OR4F15: variants seen among roughly 807,000 people sequenced by gnomAD.
OR4F15 encodes olfactory receptor 4F15.
A neutral mutation model predicts 11.9 loss-of-function variants in OR4F15; 7 were observed. That is an observed-to-expected ratio of 0.59 (90% CI 0.33 to 1.10). The LOEUF (loss-of-function observed/expected upper bound fraction) is 1.10. Ranked by LOEUF, OR4F15 falls within the 50% of genes least tolerant of loss-of-function variation. OR4F15 has a pLI of 0.03. For synonymous variants in OR4F15, 151 were observed against 134.6 expected (o/e 1.12, Z -0.84); for missense variants, 445 against 377.5 (o/e 1.18, Z -1.48).
At chr15:101,815,803 A>G (rs1271476304) in intron 1 of OR4F15, among the ~76,000 whole-genome samples, 1 of 152,194 alleles carries the variant, frequency 6.6e-6, no homozygotes, top group African/African-American at 2.4e-5. Flanking sequence ...GGAGATAATT[A>G]TATACCTAGA....
rs1903064511 is a variant in OR4F15 at position 101,819,417 on chromosome 15, A to AT, written c.*298dup. 1.1e-5 allele frequency: 3 copies of AT among 281,032 alleles called. No homozygotes were observed. The highest frequency in any genetic ancestry group is 9.5e-5 in the Admixed American group (2 of 21,090). The allele number at this position is 281,032 out of a possible 1,614,324, so 17.4% of individuals were successfully genotyped here. ...AACAAATAACAATACTATGTCTTTT[A>AT]TTTTTTCTACTGGACAGATTATTCT... is the stretch of plus-strand genomic sequence containing the variant. On this transcript the variant is annotated 3_prime_UTR_variant, in exon 2 of 2. Coordinates refer to ENST00000332238, the MANE Select transcript of OR4F15 (RefSeq NM_001001674.2).
chr15:101,818,514 A>C lies in OR4F15; in HGVS notation c.328A>C (p.Thr110Pro). ...QIFFSHALGG[T>P]EMVLLIAMAF... ...CTTCTTTAGCCATGCTCTTGGGGGC[A>C]CTGAGATGGTGCTGCTCATAGCCAT... Residue 110 changes from threonine to proline, a missense_variant, in exon 2 of 2, where the codon ACT (threonine) becomes CCT (proline). Physicochemically the swap from Thr to Pro is conservative, Grantham distance 38. Transcript: ENST00000332238. The C allele has an allele frequency of 6.2e-7, 1 of 1,614,106 alleles. No individual in the cohort carries two copies. The highest frequency in any genetic ancestry group is 2.2e-5 in the East Asian group (1 of 44,886).
chr15:101,814,126 T>C (rs1902951359), intron 1 of OR4F15, among the ~76,000 whole-genome samples: 1 of 152,200 alleles, frequency 6.6e-6, no homozygotes, highest in Non-Finnish European at 1.5e-5. Context: ...TCTGCTGCCA[T>C]TTGCTCTTTG....
chr15:101,818,090 T>G (rs1022216817), intron 1 of OR4F15, 60 bp from the exon 2 acceptor site: 7 of 825,210 alleles, frequency 8.5e-6, no homozygotes, highest in South Asian at 1.7e-5. Context: ...CTGGAGGCTT[T>G]CTTTCTTGAA....
At position 101,815,573 on chromosome 15, in the gene OR4F15, T is replaced by C. The variant is rs146731201; in HGVS notation, c.-37-2577T>C. 4.8e-3 allele frequency among the ~76,000 whole-genome samples: 738 copies of C among 152,266 alleles called. 3 individuals are homozygous for C. The highest frequency in any genetic ancestry group is 0.017 in the African/African-American group (695 of 41,554). On this transcript the variant is annotated intron_variant, in intron 1 of 1. Transcript: ENST00000332238. ...AATTAGAGTGAGACTCCCCAGGTAG[T>C]TGATAAATTATAGACTTTCTTCAAA...
At position 101,818,766 on chromosome 15, in the gene OR4F15, G is replaced by T. The variant is rs1414528226; in HGVS notation, c.580G>T (p.Glu194Ter). 2 of 1,613,958 alleles carry T rather than the reference G, an allele frequency of 1.2e-6. No homozygotes were observed. The highest frequency in any genetic ancestry group is 2.7e-5 in the African/African-American group (2 of 74,910). Residue 194 changes from glutamate (E) to a stop codon, truncating the protein, a stop_gained, in exon 2 of 2, where the codon GAA becomes TAA. Coordinates refer to ENST00000332238, the MANE Select transcript of OR4F15 (RefSeq NM_001001674.2). LOFTEE classifies it high-confidence loss of function. ...LLRLACTNTQ[E>*]LEFMVTVNSG... The stretch of plus-strand genomic sequence containing the variant: ...CAGACTTGCCTGTACCAACACCCAA[G>T]AACTGGAGTTCATGGTCACTGTCAA...
At chr15:101,815,452 T>C (rs188596912) in intron 1 of OR4F15, among the ~76,000 whole-genome samples, 715 of 152,222 alleles carry the variant, frequency 4.7e-3, no homozygotes, top group African/African-American at 0.017. Flanking sequence ...ATCGTATTTA[T>C]TGGATAAAAC....
chr15:101,815,603 C>T lies in OR4F15; in HGVS notation c.-37-2547C>T, dbSNP rs559084645. On this transcript the variant is annotated intron_variant, in intron 1 of 1. Coordinates refer to ENST00000332238, the MANE Select transcript of OR4F15 (RefSeq NM_001001674.2). Reference sequence around the variant, plus strand: ...AAATTATAGACTTTCTTCAAATGTTCTTACCCTTTCTGTAGAATGAAAATC... The same window carrying T: ...AAATTATAGACTTTCTTCAAATGTTTTTACCCTTTCTGTAGAATGAAAATC... Among the ~76,000 whole-genome samples the T allele has an allele frequency of 4.5e-4, 68 of 152,130 alleles. 1 individual carries two copies. Among genetic ancestry groups the T allele is most frequent in the Non-Finnish European group, 7.5e-4 (51 of 68,000 alleles).
chr15:101,812,546 C>A (rs1005109975), intron 1 of OR4F15, among the ~76,000 whole-genome samples: 1 of 152,002 alleles, frequency 6.6e-6, no homozygotes, highest in African/African-American at 2.4e-5. Context: ...ATCTATTAGC[C>A]CTGAAAATGA....
Position 101,818,920 on chromosome 15 carries a change from C to G in OR4F15, c.734C>G (p.Thr245Ser), listed in dbSNP as rs1279101445. Residue 245 changes from threonine to serine, a missense_variant, in exon 2 of 2, where the codon ACT becomes AGT. By Grantham distance (58) the Thr-to-Ser change is moderately conservative. Transcript: ENST00000332238. ...CTCTCTACCCTGTCAGCTCATGTCA[C>G]TGTGGTCATCTTGTTCTTTGGGCCA... ...KALSTLSAHV[T>S]VVILFFGPLM... The G allele has an allele frequency of 6.2e-7, 1 of 1,614,174 alleles. No homozygotes were observed. Among genetic ancestry groups the G allele is most frequent in the Admixed American group, 1.7e-5 (1 of 60,018 alleles).
intron 1 of OR4F15, among the ~76,000 whole-genome samples, chr15:101,813,457 C>T (rs540809808): frequency 2.0e-5 from 3 of 148,998 alleles, no homozygotes; most frequent in African/African-American, 5.0e-5. Flanking sequence ...TGCAGTGAAC[C>T]GAGATTGTGC....
intron 1 of OR4F15, among the ~76,000 whole-genome samples, chr15:101,816,977 G>T (rs917545423): frequency 1.3e-5 from 2 of 152,088 alleles, no homozygotes; most frequent in Non-Finnish European, 1.5e-5. Flanking sequence ...TGATAAAAAA[G>T]AGAGACTGCC....
intron 1 of OR4F15, among the ~76,000 whole-genome samples, chr15:101,814,410 A>T (rs1028595485): frequency 6.6e-6 from 1 of 151,822 alleles, no homozygotes; most frequent in Non-Finnish European, 1.5e-5. Context: ...GCCAGCTGTT[A>T]TTTTTTTTGT....
chr15:101,818,702 T>A lies in OR4F15; in HGVS notation c.516T>A (p.Asn172Lys). 6.2e-7 allele frequency: 1 copy of A among 1,614,190 alleles called. No homozygotes were observed. The highest frequency in any genetic ancestry group is 8.5e-7 in the Non-Finnish European group (1 of 1,180,014). ...TAGATTTACCTTTTTGTGGTCCTAA[T>A]ATCTTTGACAGTTTTTACTGTGATC... ...FVVDLPFCGPNIFDSFYCDLP... is the reference protein window; with the variant it reads ...FVVDLPFCGPKIFDSFYCDLP... Residue 172 changes from asparagine to lysine, a missense_variant, in exon 2 of 2, where the codon AAT (asparagine) becomes AAA (lysine). Transcript: ENST00000332238.
chr15:101,812,423 C>A (rs1042010865), intron 1 of OR4F15, among the ~76,000 whole-genome samples, 151 bp downstream of exon 1: 1 of 152,154 alleles, frequency 6.6e-6, no homozygotes, highest in African/African-American at 2.4e-5. Context: ...ACTTGGAGAT[C>A]CAAAGGTGCA....
intron 1 of OR4F15, among the ~76,000 whole-genome samples, chr15:101,813,527 T>G (rs352745): frequency 0.62 from 89,457 of 143,168 alleles, 28,766 homozygotes; most frequent in African/African-American, 0.74. Flanking sequence ...AAAAAAAAAA[T>G]GCATGATACC....
intron 1 of OR4F15, among the ~76,000 whole-genome samples, 151 bp from the exon 2 acceptor site, chr15:101,817,999 C>T (rs894758126): frequency 4.6e-5 from 7 of 152,072 alleles, no homozygotes; most frequent in African/African-American, 1.4e-4. Flanking sequence ...GCCAGCTGAC[C>T]CCTCTAAGTG....
chr15:101,813,424 G>T (rs767154348), intron 1 of OR4F15, among the ~76,000 whole-genome samples: 6 of 151,034 alleles, frequency 4.0e-5, no homozygotes, highest in Admixed American at 1.3e-4. Flanking sequence ...CTACAGAATC[G>T]CTTAAACCTA....
At chr15:101,818,087 C>G (rs1567111948) in intron 1 of OR4F15, 63 bp from the exon 2 acceptor site, 8 of 793,506 alleles carry the variant, frequency 1.0e-5, no homozygotes. Flanking sequence ...TGGCTGGAGG[C>G]TTTCTTTCTT....
Sources: allele counts gnomAD v4.1 joint callset (sites outside exome capture counted in the v4.1 genomes callset), GRCh38; gene constraint gnomAD v4.1.1; transcripts MANE v1.5; gene names NCBI Gene and HGNC (gene_info 2026-07-23, HGNC 2026-07-21).